FRMD4A: variants seen among roughly 807,000 people sequenced by gnomAD.
FRMD4A encodes the protein FERM domain containing 4A, also known as FERM domain-containing protein 4A.
FRMD4A carries 29 observed loss-of-function variants against 129.1 expected under a neutral mutation model. That is an observed-to-expected ratio of 0.22 (90% CI 0.17 to 0.31). The LOEUF is 0.31. FRMD4A is among the 10% of genes least tolerant of loss of function. The pLI is 1.00. For missense variants in FRMD4A, 1,272 were observed against 1,375.8 expected, an observed-to-expected ratio of 0.92 and a Z score of 1.19; for synonymous variants, 634 against 571.6, an observed-to-expected ratio of 1.11 and a Z score of -1.56.
chr10:13,765,605 C>G (rs1355229456), intron 6 of FRMD4A, among the ~76,000 whole-genome samples: 1 of 152,194 alleles, frequency 6.6e-6, no homozygotes, highest in Non-Finnish European at 1.5e-5. Flanking sequence ...GTTAAAAGAA[C>G]TCATGAGAGC....
chr10:14,108,441 T>A (rs943171690), intron 2 of FRMD4A, among the ~76,000 whole-genome samples: 9 of 152,238 alleles, frequency 5.9e-5, no homozygotes, highest in Non-Finnish European at 1.2e-4. Flanking sequence ...TTATGAGGAC[T>A]GAGGTTTAAA....
intron 2 of FRMD4A, among the ~76,000 whole-genome samples, chr10:14,051,103 C>A (rs1027811045): frequency 3.9e-5 from 6 of 152,214 alleles, no homozygotes; most frequent in Non-Finnish European, 7.3e-5. Flanking sequence ...TTGTTGGACA[C>A]CCGGCTGGTG....
chr10:13,663,321 G>C (rs1024753471), intron 19 of FRMD4A, 132 bp downstream of exon 19: 3 of 640,300 alleles, frequency 4.7e-6, no homozygotes. Context: ...GGAAATGAGA[G>C]AGCTTGCAGG....
intron 2 of FRMD4A, among the ~76,000 whole-genome samples, chr10:13,957,075 G>C (rs1351782371): frequency 6.6e-6 from 1 of 152,168 alleles, no homozygotes; most frequent in African/African-American, 2.4e-5. Flanking sequence ...CTGAACCACG[G>C]GGAAACCCAA....
At chr10:13,818,844 G>A (rs1296033744) in intron 3 of FRMD4A, among the ~76,000 whole-genome samples, 1 of 152,142 alleles carries the variant, frequency 6.6e-6, no homozygotes, top group African/African-American at 2.4e-5. Flanking sequence ...TTCCATGTAT[G>A]GCCAGGCACG....
At chr10:14,116,266 G>A (rs577841888) in intron 2 of FRMD4A, among the ~76,000 whole-genome samples, 72 of 152,318 alleles carry the variant, frequency 4.7e-4, no homozygotes, top group African/African-American at 1.7e-3. Context: ...AACGTGTGTA[G>A]CATATGTTAG....
intron 3 of FRMD4A, among the ~76,000 whole-genome samples, chr10:13,856,495 G>A (rs777623489): frequency 6.6e-6 from 1 of 152,070 alleles, no homozygotes. Flanking sequence ...CAATCACAGC[G>A]AGGTGTGGCC....
At chr10:13,717,728 G>T (rs1232257227) in intron 12 of FRMD4A, among the ~76,000 whole-genome samples, 2 of 147,642 alleles carry the variant, frequency 1.4e-5, no homozygotes, top group Middle Eastern at 3.4e-3. Context: ...TGGCGGGGGG[G>T]GTTGGCAGTT....
In FRMD4A at chr10:13,688,923, G is replaced by C. The variant is rs370372119; in HGVS notation, c.1117+4975C>G. Reference sequence around the variant, plus strand: ...GGTAGAGACCGGATTTCATCATGTTGGCCAGGCTAGTCTCGAACTCCTGCC... The same window carrying C: ...GGTAGAGACCGGATTTCATCATGTTCGCCAGGCTAGTCTCGAACTCCTGCC... On this transcript the variant is annotated intron_variant, in intron 15 of 24. Transcript: ENST00000357447. Among the ~76,000 whole-genome samples, 5 of 151,992 alleles carry C rather than the reference G, an allele frequency of 3.3e-5. No individual in the cohort carries two copies. The East Asian group carries it at 9.7e-4, about 30-fold the overall frequency.
chr10:14,318,329 C>CTTT (rs368474626), intron 2 of FRMD4A, among the ~76,000 whole-genome samples: 1 of 145,826 alleles, frequency 6.9e-6, no homozygotes, highest in Admixed American at 6.8e-5. Flanking sequence ...CCCCCCCCAC[C>CTTT]TTTTTTTTTT....
intron 2 of FRMD4A, among the ~76,000 whole-genome samples, chr10:13,888,956 T>A (rs2131155902): frequency 6.6e-6 from 1 of 152,360 alleles, no homozygotes. Context: ...TCCATTATAC[T>A]TTCATTCAGT....
intron 2 of FRMD4A, among the ~76,000 whole-genome samples, chr10:14,111,589 A>G (rs1465616380): frequency 6.6e-6 from 1 of 152,182 alleles, no homozygotes; most frequent in African/African-American, 2.4e-5. Context: ...AATAAAATTA[A>G]TCCATCAATT....
chr10:14,127,374 T>A (rs2131820633), intron 2 of FRMD4A, among the ~76,000 whole-genome samples: 2 of 152,268 alleles, frequency 1.3e-5, no homozygotes, highest in East Asian at 3.9e-4. Flanking sequence ...GAAAACTAGT[T>A]TGAGTTGGGG....
intron 2 of FRMD4A, among the ~76,000 whole-genome samples, chr10:14,255,863 G>A (rs369923321): frequency 8.6e-5 from 13 of 152,032 alleles, no homozygotes; most frequent in East Asian, 7.7e-4. Flanking sequence ...AAAATTAGCC[G>A]GGTGTGGTGG....
intron 2 of FRMD4A, among the ~76,000 whole-genome samples, chr10:14,020,544 C>G (rs1230208377): frequency 6.6e-6 from 1 of 152,198 alleles, no homozygotes; most frequent in East Asian, 1.9e-4. Flanking sequence ...AGAGGACACA[C>G]TGGCCTATAG....
At chr10:13,763,142 G>T (rs1165409804) in intron 6 of FRMD4A, among the ~76,000 whole-genome samples, 2 of 152,144 alleles carry the variant, frequency 1.3e-5, no homozygotes. Context: ...TGGACTAGGG[G>T]ACCTGGGCCT....
intron 6 of FRMD4A, among the ~76,000 whole-genome samples, chr10:13,766,970 G>A (rs1485425684): frequency 7.9e-5 from 12 of 152,170 alleles, no homozygotes; most frequent in Admixed American, 7.2e-4. Context: ...CTACTCAGGA[G>A]GCTGAGGCAG....
At chr10:14,251,898 C>T (rs1290690603) in intron 2 of FRMD4A, among the ~76,000 whole-genome samples, 3 of 152,134 alleles carry the variant, frequency 2.0e-5, no homozygotes, top group Admixed American at 2.0e-4. Context: ...CACACACACA[C>T]ACACACAATT....
At chr10:13,879,789 C>T (rs2094527376) in intron 2 of FRMD4A, among the ~76,000 whole-genome samples, 1 of 123,468 alleles carries the variant, frequency 8.1e-6, no homozygotes, top group African/African-American at 3.1e-5. Flanking sequence ...TCCTCCTCCT[C>T]CTCCCTTCCT....
Sources: allele counts gnomAD v4.1 joint callset (sites outside exome capture counted in the v4.1 genomes callset), GRCh38; gene constraint gnomAD v4.1.1; transcripts MANE v1.5; gene names NCBI Gene and HGNC (gene_info 2026-07-23, HGNC 2026-07-21).